The following PRKCE variants were observed in gnomAD, a reference collection of about 807,000 sequenced individuals.
PRKCE encodes the protein protein kinase C epsilon.
Under a neutral mutation model 85.4 loss-of-function variants are expected in PRKCE, and 16 were observed. The ratio of observed to expected loss-of-function variants is 0.19; its 90% confidence interval spans 0.13 to 0.28. The LOEUF (loss-of-function observed/expected upper bound fraction) is 0.28, where lower values mean the gene tolerates loss of function less well. Among genes scored for constraint, PRKCE ranks in the 10% least tolerant of loss-of-function variants. PRKCE has a pLI of 1.00. For synonymous variants in PRKCE, 388 were observed against 371.5 expected, an observed-to-expected ratio of 1.04 and a Z score of -0.51; for missense variants, 573 against 975.2, an observed-to-expected ratio of 0.59 and a Z score of 5.49.
At chr2:45,990,345 A>G (rs1703688481) in intron 6 of PRKCE, among the ~76,000 whole-genome samples, 1 of 152,220 alleles carries the variant, frequency 6.6e-6, no homozygotes, top group South Asian at 2.1e-4. Flanking sequence ...AGGCAATGGG[A>G]CATCTTATCG....
intron 10 of PRKCE, among the ~76,000 whole-genome samples, chr2:46,081,000 C>CAT (rs1669016812): frequency 6.6e-6 from 1 of 151,238 alleles, no homozygotes; most frequent in South Asian, 2.1e-4. Flanking sequence ...CACACACACA[C>CAT]ACATTTTTAG....
chr2:46,028,704 G>A (rs1272342236), intron 10 of PRKCE, among the ~76,000 whole-genome samples: 2 of 152,210 alleles, frequency 1.3e-5, no homozygotes, highest in Non-Finnish European at 2.9e-5. Context: ...TATATGTGCA[G>A]GTTTGTTACA....
At chr2:46,151,280 TACACAC>T (rs35676949) in intron 13 of PRKCE, 51 bp downstream of exon 13, 60,248 of 556,702 alleles carry the variant, frequency 0.11, 945 homozygotes, top group Non-Finnish European at 0.12. Flanking sequence ...CTCCTCCCCC[TACACAC>T]ACACACACAC....
chr2:46,110,397 A>G (rs1275182287), intron 11 of PRKCE, among the ~76,000 whole-genome samples: 2 of 152,102 alleles, frequency 1.3e-5, no homozygotes, highest in East Asian at 1.9e-4. Flanking sequence ...CAGATTATCT[A>G]TTTCTCCTTG....
intron 2 of PRKCE, among the ~76,000 whole-genome samples, chr2:45,897,299 G>T (rs1158160684): frequency 6.6e-6 from 1 of 152,066 alleles, no homozygotes. Context: ...TCTCCTGAAG[G>T]TGATGTAATA....
chr2:46,052,425 G>T (rs549197532), intron 10 of PRKCE, among the ~76,000 whole-genome samples: 6 of 152,266 alleles, frequency 3.9e-5, no homozygotes, highest in African/African-American at 1.4e-4. Context: ...AATTGCTCAG[G>T]AATAAATTTG....
intron 11 of PRKCE, among the ~76,000 whole-genome samples, chr2:46,130,422 CAT>C (rs10578620): frequency 0.038 from 5,752 of 152,070 alleles, 161 homozygotes; most frequent in East Asian, 0.11. Flanking sequence ...TATAACATGA[CAT>C]AGATATATAG....
chr2:45,882,015 T>C (rs1445315878), intron 2 of PRKCE, among the ~76,000 whole-genome samples: 1 of 152,238 alleles, frequency 6.6e-6, no homozygotes, highest in Admixed American at 6.5e-5. Flanking sequence ...CAGGTCTGAC[T>C]GGCCAGGGGG....
chr2:46,174,128 G>T (rs753117264), intron 14 of PRKCE, among the ~76,000 whole-genome samples: 2 of 152,232 alleles, frequency 1.3e-5, no homozygotes, highest in Admixed American at 6.5e-5. Flanking sequence ...CCTCAGAAGT[G>T]TTTTAGCGAG....
intron 12 of PRKCE, among the ~76,000 whole-genome samples, chr2:46,149,356 C>T (rs1676382310): frequency 6.6e-6 from 1 of 152,086 alleles, no homozygotes; most frequent in African/African-American, 2.4e-5. Context: ...ATATGCACTC[C>T]AACCTTGTTT....
chr2:45,744,125 G>C (rs906465918), intron 1 of PRKCE, among the ~76,000 whole-genome samples: 1 of 152,022 alleles, frequency 6.6e-6, no homozygotes, highest in African/African-American at 2.4e-5. Context: ...ATGTTTCTGA[G>C]CTTAGTGTCC....
At chr2:45,957,298 A>G (rs1238523082) in intron 2 of PRKCE, among the ~76,000 whole-genome samples, 1 of 152,252 alleles carries the variant, frequency 6.6e-6, no homozygotes, top group African/African-American at 2.4e-5. Context: ...TCATTTTTGT[A>G]GAAGATATGG....
intron 1 of PRKCE, among the ~76,000 whole-genome samples, chr2:45,799,477 C>T (rs983277851): frequency 2.6e-5 from 4 of 152,068 alleles, no homozygotes; most frequent in Admixed American, 2.6e-4. Flanking sequence ...TGCTTAAGCC[C>T]AGGAGTTGGA....
intron 10 of PRKCE, chr2:46,078,935 T>G (rs1196963627): frequency 6.6e-6 from 1 of 152,200 alleles, no homozygotes; most frequent in Non-Finnish European, 1.5e-5. Flanking sequence ...TCCCGGCACT[T>G]TGGGAGGCCG....
chr2:45,651,472 G>C (rs776148119), upstream of PRKCE: 1 of 152,106 alleles, frequency 6.6e-6, no homozygotes, highest in Non-Finnish European at 1.5e-5. Context: ...TGGGGCTTGT[G>C]GATTTTTAAA....
intron 1 of PRKCE, among the ~76,000 whole-genome samples, chr2:45,792,767 C>A (rs919546337): frequency 6.6e-6 from 1 of 152,134 alleles, no homozygotes; most frequent in Admixed American, 6.5e-5. Flanking sequence ...TCCATTTTGT[C>A]GTGAGCACTG....
intron 11 of PRKCE, among the ~76,000 whole-genome samples, chr2:46,108,193 G>A (rs897970871): frequency 1.2e-4 from 18 of 152,190 alleles, no homozygotes; most frequent in African/African-American, 3.9e-4. Context: ...TTATAGGTGT[G>A]AGCCTCCATG....
At chr2:45,711,031 C>T (rs915805450) in intron 1 of PRKCE, among the ~76,000 whole-genome samples, 9 of 152,226 alleles carry the variant, frequency 5.9e-5, no homozygotes, top group Non-Finnish European at 1.2e-4. Flanking sequence ...TTGCTGCCCC[C>T]TCCCTGTCCC....
intron 2 of PRKCE, among the ~76,000 whole-genome samples, chr2:45,929,203 G>T (rs953025030): frequency 2.1e-4 from 32 of 152,270 alleles, no homozygotes; most frequent in African/African-American, 7.7e-4. Flanking sequence ...AGGAAAGAAA[G>T]GCCCCAAGCC....
Sources: gnomAD v4.1 joint callset for allele counts (sites outside exome capture counted in the v4.1 genomes callset) on GRCh38, gnomAD v4.1.1 for gene constraint, MANE v1.5 for transcripts, NCBI Gene and HGNC (gene_info 2026-07-23, HGNC 2026-07-21) for gene names.